The following CFAP47 variants were observed in gnomAD, a reference collection of about 807,000 sequenced individuals.
The protein encoded by CFAP47 is cilia and flagella associated protein 47.
CFAP47 carries 29 observed loss-of-function variants against 148.1 expected under a neutral mutation model. The observed-to-expected ratio is 0.20, with a 90% CI of 0.15 to 0.27. The LOEUF is 0.27. Ranked by LOEUF, CFAP47 falls within the 10% of genes least tolerant of loss-of-function variation. The pLI is 1.00. For synonymous variants in CFAP47, 664 were observed against 577.3 expected, an observed-to-expected ratio of 1.15 and a Z score of -2.15; for missense variants, 1,872 against 1,697.5, an observed-to-expected ratio of 1.10 and a Z score of -1.81.
At chrX:35,948,156 T>C (rs1469139365) in intron 3 of CFAP47, among the ~76,000 whole-genome samples, 158 bp from the exon 4 acceptor site, 2 of 112,223 alleles carry the variant, frequency 1.8e-5, no homozygotes, top group Non-Finnish European at 3.8e-5. Context: ...GAATTTGTGT[T>C]GGGCTGCATT....
chrX:36,090,805 C>T (rs1023012756), intron 30 of CFAP47, among the ~76,000 whole-genome samples: 3 of 98,760 alleles, frequency 3.0e-5, no homozygotes, highest in Middle Eastern at 4.9e-3. Flanking sequence ...CTTTTATACA[C>T]GTGAAATATC....
At chrX:36,027,124 A>ATGATTATATATATG (rs1569236136) in intron 22 of CFAP47, among the ~76,000 whole-genome samples, 6 of 80,684 alleles carry the variant, frequency 7.4e-5, no homozygotes, top group African/African-American at 3.3e-4. Context: ...TTATATATAT[A>ATGATTATATATATG]TGATTATATA....
chrX:36,136,659 T>A (rs1047462258), intron 33 of CFAP47, among the ~76,000 whole-genome samples: 2 of 110,864 alleles, frequency 1.8e-5, no homozygotes, highest in African/African-American at 3.3e-5. Flanking sequence ...AGCTTGATTT[T>A]GGGAATCACT....
chrX:36,008,074 G>A (rs1936999789), intron 21 of CFAP47, among the ~76,000 whole-genome samples: 1 of 111,120 alleles, frequency 9.0e-6, no homozygotes, highest in South Asian at 3.9e-4. Context: ...CCCTAACTTT[G>A]GGACCCAGCA....
In CFAP47 at chrX:35,956,072, G is replaced by A. The variant is rs371807838; in HGVS notation, c.1286G>A (p.Arg429His). ...TTTAAACCTTGTTTCATGGGTGAAC[G>A]TTCAGAAATTCAGTGCATCATAAAA... is the stretch of plus-strand genomic sequence containing the variant. ...LNFKPCFMGE[R>H]SEIQCIIKNQ... The change falls in exon 8 of 64, where the codon CGT becomes CAT. Residue 429 changes from arginine to histidine, a missense_variant. Transcript: ENST00000378653. 7 of 1,210,930 alleles carry A rather than the reference G, an allele frequency of 5.8e-6. No homozygotes were observed. Among genetic ancestry groups the A allele is most frequent in the Middle Eastern group, 2.3e-4 (1 of 4,350 alleles).
chrX:36,148,659 A>G (rs1939267440), intron 36 of CFAP47, among the ~76,000 whole-genome samples: 1 of 111,732 alleles, frequency 8.9e-6, no homozygotes, highest in African/African-American at 3.3e-5. Context: ...TTCAGCCTGA[A>G]ACTGTTTTTA....
intron 54 of CFAP47, 30 bp from the exon 55 acceptor site, chrX:36,306,742 G>T: frequency 1.0e-6 from 1 of 971,297 alleles, no homozygotes; most frequent in Non-Finnish European, 1.4e-6. Flanking sequence ...ATTAATTTTT[G>T]TTCCCCCTTT....
intron 17 of CFAP47, among the ~76,000 whole-genome samples, chrX:35,992,159 A>G (rs1936796798): frequency 9.1e-6 from 1 of 110,335 alleles, no homozygotes; most frequent in Non-Finnish European, 1.9e-5. Flanking sequence ...TTTCCCTTTT[A>G]TTCTTTCTGT....
At chrX:36,053,503 G>A (rs2146740808) in intron 26 of CFAP47, among the ~76,000 whole-genome samples, 1 of 111,673 alleles carries the variant, frequency 9.0e-6, no homozygotes, top group South Asian at 3.8e-4. Context: ...TTAGTGTTGT[G>A]TGTGTAGATA....
intron 49 of CFAP47, among the ~76,000 whole-genome samples, chrX:36,256,739 TG>T (rs1555999040): frequency 8.9e-6 from 1 of 112,000 alleles, no homozygotes; most frequent in Admixed American, 9.5e-5. Context: ...ATTTGGGGCT[TG>T]GTGATCCAAA....
At chrX:35,959,281 C>T (rs1389996676) in intron 8 of CFAP47, among the ~76,000 whole-genome samples, 1 of 111,415 alleles carries the variant, frequency 9.0e-6, no homozygotes, top group Non-Finnish European at 1.9e-5. Flanking sequence ...AATACAAGTC[C>T]TTTGACAGAT....
At chrX:35,957,463 A>G (rs759096752) in intron 8 of CFAP47, among the ~76,000 whole-genome samples, 7 of 111,997 alleles carry the variant, frequency 6.3e-5, no homozygotes, top group Non-Finnish European at 1.3e-4. Flanking sequence ...ATACATGTTT[A>G]TATACATGCA....
Position 35,966,201 on chromosome X carries a change from GAAATATT to G in CFAP47, c.1411-362_1411-356del, listed in dbSNP as rs1569217338. On this transcript the variant is annotated intron_variant, in intron 8 of 63. Transcript: ENST00000378653. ...ATTACTTAAAGTTACTAATATTTAA[GAAATATT>G]AGCTGCTAATATTTAAGAAATATTA... Among the ~76,000 whole-genome samples, 293 of 108,617 alleles carry G rather than the reference GAAATATT, an allele frequency of 2.7e-3. 29 individuals carry two copies. Among genetic ancestry groups the G allele is most frequent in the African/African-American group, 8.8e-3 (272 of 30,962 alleles). 94.3% of individuals were successfully genotyped at this position (108,617 alleles called of 115,157 possible).
At chrX:35,987,678 C>T (rs748454438) in intron 15 of CFAP47, among the ~76,000 whole-genome samples, 1 of 111,743 alleles carries the variant, frequency 8.9e-6, no homozygotes, top group East Asian at 2.8e-4. Context: ...CTGCAGCTAG[C>T]TTGGTGTCTG....
intron 22 of CFAP47, among the ~76,000 whole-genome samples, chrX:36,027,363 C>T (rs1052602916): frequency 9.2e-6 from 1 of 109,055 alleles, no homozygotes; most frequent in African/African-American, 3.3e-5. Flanking sequence ...TTGTAATCTC[C>T]AATGTCTATT....
At chrX:36,167,274 G>T (rs1326515842) in intron 39 of CFAP47, among the ~76,000 whole-genome samples, 2 of 111,496 alleles carry the variant, frequency 1.8e-5, no homozygotes, top group Non-Finnish European at 3.8e-5. Context: ...GAAGCGATTA[G>T]GAGCTATTCA....
intron 26 of CFAP47, among the ~76,000 whole-genome samples, chrX:36,052,524 CAT>C (rs1258324367): frequency 1.9e-5 from 2 of 107,032 alleles, no homozygotes; most frequent in Non-Finnish European, 3.8e-5. Context: ...AGATAAAACT[CAT>C]AGACTTTGTT....
chrX:36,250,556 T>C (rs1940678851), intron 48 of CFAP47, among the ~76,000 whole-genome samples: 1 of 110,473 alleles, frequency 9.1e-6, no homozygotes, highest in African/African-American at 3.3e-5. Flanking sequence ...GCTGAGAGAA[T>C]AGATTTTTTG....
intron 57 of CFAP47, among the ~76,000 whole-genome samples, chrX:36,329,090 C>T (rs1171207084): frequency 3.6e-5 from 4 of 111,055 alleles, no homozygotes; most frequent in African/African-American, 3.3e-5. Context: ...ATATTTGCAT[C>T]GGCTCAGTGT....
Sources: allele counts gnomAD v4.1 joint callset (sites outside exome capture counted in the v4.1 genomes callset), GRCh38; gene constraint gnomAD v4.1.1; transcripts MANE v1.5; gene names NCBI Gene and HGNC (gene_info 2026-07-23, HGNC 2026-07-21).